Variants in NEGR1 observed in about 807,000 individuals in gnomAD.
NEGR1 encodes the protein neuronal growth regulator 1.
A neutral mutation model predicts 40.9 loss-of-function variants in NEGR1; 10 were observed. The ratio of observed to expected loss-of-function variants is 0.24; its 90% CI spans 0.15 to 0.42. The LOEUF (loss-of-function observed/expected upper bound fraction) is 0.42. NEGR1 is among the 10% of genes least tolerant of loss of function. The pLI is 1.00. For missense variants in NEGR1, 352 were observed against 438.9 expected (o/e 0.80, Z 1.77); for synonymous variants, 185 against 166.8 (o/e 1.11, Z -0.84).
chr1:71,427,998 T>TCA (rs3050682), intron 6 of NEGR1, among the ~76,000 whole-genome samples: 144,082 of 150,010 alleles, frequency 0.96, 69,405 homozygotes, highest in East Asian at 1. Context: ...GATAACACAC[T>TCA]CACACACACA....
intron 6 of NEGR1, among the ~76,000 whole-genome samples, chr1:71,411,360 C>G (rs1211841684): frequency 1.1e-4 from 16 of 152,044 alleles, no homozygotes; most frequent in Admixed American, 1.0e-3. Flanking sequence ...ATGTACTGAA[C>G]TTTATAACAT....
intron 1 of NEGR1, among the ~76,000 whole-genome samples, chr1:72,207,413 AT>A (rs1267884491): frequency 6.6e-6 from 1 of 151,814 alleles, no homozygotes; most frequent in Non-Finnish European, 1.5e-5. Flanking sequence ...AAAATAAAAA[AT>A]GAAAGTCTTC....
At chr1:71,942,452 A>AATATATATATATATATATAT (rs1409165579) in intron 1 of NEGR1, among the ~76,000 whole-genome samples, 15 of 34,258 alleles carry the variant, frequency 4.4e-4, no homozygotes, top group Non-Finnish European at 4.0e-4. Flanking sequence ...AAATTCTTTA[A>AATATATATATATATATATAT]ATCTATATAT....
At position 71,592,988 on chromosome 1, in the gene NEGR1, C is replaced by T. The variant is rs200858903; in HGVS notation, c.789-20G>A. 124 of 1,588,186 alleles carry T rather than the reference C, an allele frequency of 7.8e-5. No homozygotes were observed. Among genetic ancestry groups the T allele is most frequent in the Non-Finnish European group, 1.0e-4 (117 of 1,157,752 alleles). On this transcript the variant is annotated intron_variant, in intron 5 of 6. Transcript: ENST00000357731. ...AAGAGCCTAGAAGACAAAATAAGCT[C>T]TAGGTAAATATGTATTGTGAATACC...
At chr1:71,409,108 A>T (rs1018328914) in intron 6 of NEGR1, 2 of 152,038 alleles carry the variant, frequency 1.3e-5, no homozygotes, top group East Asian at 1.9e-4. Context: ...TGAGTTTTTT[A>T]AAAAATAAAA....
At chr1:71,683,496 T>C (rs1326798262) in intron 4 of NEGR1, among the ~76,000 whole-genome samples, 1 of 141,708 alleles carries the variant, frequency 7.1e-6, no homozygotes, top group Non-Finnish European at 1.5e-5. Flanking sequence ...ACTTTGGAAA[T>C]TGTATCCAGC....
intron 1 of NEGR1, among the ~76,000 whole-genome samples, chr1:72,187,626 CT>C (rs1472007262): frequency 1.5e-4 from 23 of 150,034 alleles, no homozygotes; most frequent in South Asian, 1.0e-3. Context: ...AAAAATATTT[CT>C]TTCTAAACAT....
chr1:71,548,777 C>G (rs1647983249), intron 6 of NEGR1, among the ~76,000 whole-genome samples: 1 of 151,656 alleles, frequency 6.6e-6, no homozygotes, highest in Non-Finnish European at 1.5e-5. Flanking sequence ...TGGGGTAGAG[C>G]TAAAAGCAGC....
At position 71,569,248 on chromosome 1, in the gene NEGR1, T is replaced by C. The variant is rs551575530; in HGVS notation, c.940+23569A>G. Among the ~76,000 whole-genome samples, 4 of 152,164 alleles carry C rather than the reference T, an allele frequency of 2.6e-5. No homozygotes were observed. In the South Asian group the frequency reaches 8.3e-4, roughly 32 times the overall value. On this transcript the variant is annotated intron_variant, in intron 6 of 6. Coordinates refer to ENST00000357731, the MANE Select transcript of NEGR1 (RefSeq NM_173808.3). Reference sequence around the variant, plus strand: ...ATCCTTTTTAAGCCTATAGAAACCTTATCTGTTGTTAGGGATATTATATAA... The same window carrying C: ...ATCCTTTTTAAGCCTATAGAAACCTCATCTGTTGTTAGGGATATTATATAA...
intron 3 of NEGR1, among the ~76,000 whole-genome samples, chr1:71,707,989 C>A (rs1653961720): frequency 6.6e-6 from 1 of 152,000 alleles, no homozygotes; most frequent in Non-Finnish European, 1.5e-5. Context: ...ATCACAACAC[C>A]AAAGTCCTTT....
At chr1:72,098,286 A>G (rs1166472696) in intron 1 of NEGR1, among the ~76,000 whole-genome samples, 3 of 148,644 alleles carry the variant, frequency 2.0e-5, no homozygotes, top group East Asian at 3.9e-4. Context: ...GAATGACTGG[A>G]AAAAAAAATT....
At chr1:71,670,615 T>A (rs572200940) in intron 4 of NEGR1, among the ~76,000 whole-genome samples, 1 of 152,242 alleles carries the variant, frequency 6.6e-6, no homozygotes, top group East Asian at 1.9e-4. Context: ...CAATTTCAGC[T>A]CACTGCAACC....
intron 6 of NEGR1, among the ~76,000 whole-genome samples, chr1:71,584,304 C>T (rs1213524): frequency 0.95 from 143,935 of 152,234 alleles, 68,452 homozygotes; most frequent in Non-Finnish European, 1. Flanking sequence ...GAGTGGCCCA[C>T]TGAAATATTA....
intron 3 of NEGR1, among the ~76,000 whole-genome samples, chr1:71,763,443 C>T (rs2101702770): frequency 6.6e-6 from 1 of 152,208 alleles, no homozygotes; most frequent in African/African-American, 2.4e-5. Flanking sequence ...TTTGTACTAA[C>T]TTTGGAACTT....
chr1:71,748,008 C>T (rs912687892), intron 3 of NEGR1, among the ~76,000 whole-genome samples: 2 of 152,088 alleles, frequency 1.3e-5, no homozygotes, highest in Admixed American at 1.3e-4. Context: ...TTTGCTGAAG[C>T]CTTCTGATTT....
chr1:72,167,473 C>G (rs1651809269), intron 1 of NEGR1, among the ~76,000 whole-genome samples: 1 of 151,768 alleles, frequency 6.6e-6, no homozygotes, highest in South Asian at 2.1e-4. Context: ...TAATAAAATA[C>G]CATTGTTTTT....
At chr1:72,160,282 C>T (rs934057069) in intron 1 of NEGR1, among the ~76,000 whole-genome samples, 2 of 152,104 alleles carry the variant, frequency 1.3e-5, no homozygotes, top group African/African-American at 4.8e-5. Flanking sequence ...TGACTTTTCT[C>T]ACTGGAATAT....
At chr1:72,276,093 T>C (rs1300190033) in intron 1 of NEGR1, among the ~76,000 whole-genome samples, 1 of 152,036 alleles carries the variant, frequency 6.6e-6, no homozygotes, top group African/African-American at 2.4e-5. Context: ...TGAGACTCCA[T>C]CTCAGAAAAA....
intron 1 of NEGR1, among the ~76,000 whole-genome samples, chr1:71,996,775 A>G (rs1436547816): frequency 6.6e-6 from 1 of 152,030 alleles, no homozygotes; most frequent in African/African-American, 2.4e-5. Context: ...GCTTTCGAGA[A>G]CTTTCTTTGT....
Sources: allele counts gnomAD v4.1 joint callset (sites outside exome capture counted in the v4.1 genomes callset), GRCh38; gene constraint gnomAD v4.1.1; transcripts MANE v1.5; gene names NCBI Gene and HGNC (gene_info 2026-07-23, HGNC 2026-07-21).